ADCY8: variants seen among roughly 807,000 people sequenced by gnomAD.
ADCY8 encodes adenylate cyclase 8, also known as adenylate cyclase type 8.
In ADCY8, 51 loss-of-function variants were observed where a neutral mutation model predicts 119.7. The observed-to-expected ratio is 0.43, with a 90% confidence interval of 0.34 to 0.54. The LOEUF is 0.54. Among genes scored for constraint, ADCY8 ranks in the 20% least tolerant of loss-of-function variants. The pLI is 0.03. For synonymous variants in ADCY8, 665 were observed against 651.0 expected, an observed-to-expected ratio of 1.02 and a Z score of -0.33; for missense variants, 1,383 against 1,598.8, an observed-to-expected ratio of 0.87 and a Z score of 2.30.
intron 5 of ADCY8, among the ~76,000 whole-genome samples, chr8:130,927,416 C>A (rs543787324): frequency 6.6e-6 from 1 of 152,208 alleles, no homozygotes; most frequent in Admixed American, 6.5e-5. Context: ...TATTCAGGTC[C>A]TTTGCCCATT....
At chr8:130,928,282 A>G (rs1055548110) in intron 5 of ADCY8, among the ~76,000 whole-genome samples, 1 of 152,148 alleles carries the variant, frequency 6.6e-6, no homozygotes, top group African/African-American at 2.4e-5. Flanking sequence ...ATTATTGCTC[A>G]GGCTAGTCTC....
intron 2 of ADCY8, among the ~76,000 whole-genome samples, chr8:130,961,056 T>C (rs1384397145): frequency 6.6e-6 from 1 of 152,208 alleles, no homozygotes; most frequent in African/African-American, 2.4e-5. Context: ...CTCTCATTTT[T>C]GGCAAAAAGC....
intron 1 of ADCY8, among the ~76,000 whole-genome samples, chr8:131,035,748 G>T (rs1824133514): frequency 6.6e-6 from 1 of 152,102 alleles, no homozygotes; most frequent in Admixed American, 6.6e-5. Context: ...CAGCTGCCAA[G>T]GTGTGCTAAC....
chr8:130,990,700 T>C, intron 1 of ADCY8, 158 bp from the exon 2 acceptor site: 1 of 860,036 alleles, frequency 1.2e-6, no homozygotes, highest in Non-Finnish European at 1.7e-6. Context: ...ATTCAGATCT[T>C]GAGGCAAATG....
chr8:130,810,736 A>G (rs1463098334), intron 14 of ADCY8, among the ~76,000 whole-genome samples: 1 of 152,252 alleles, frequency 6.6e-6, no homozygotes, highest in Non-Finnish European at 1.5e-5. Context: ...TTAAATATTT[A>G]TAAAATCTCA....
intron 5 of ADCY8, among the ~76,000 whole-genome samples, chr8:130,920,955 C>T (rs1586572277): frequency 6.6e-6 from 1 of 152,332 alleles, no homozygotes; most frequent in Non-Finnish European, 1.5e-5. Context: ...AGATTTTAGA[C>T]TTAACTAGCC....
intron 11 of ADCY8, among the ~76,000 whole-genome samples, chr8:130,846,851 T>TCC (rs1554606218): frequency 4.9e-5 from 1 of 20,478 alleles, no homozygotes; most frequent in African/African-American, 2.8e-4. Flanking sequence ...CTTCCTTCCT[T>TCC]CCTCCCCTCC....
chr8:130,799,413 G>T (rs567784934), intron 15 of ADCY8, among the ~76,000 whole-genome samples: 13 of 152,324 alleles, frequency 8.5e-5, no homozygotes, highest in Middle Eastern at 3.4e-3. Flanking sequence ...ACAATGGAAA[G>T]AAGGACTTCA....
intron 5 of ADCY8, among the ~76,000 whole-genome samples, chr8:130,917,612 G>T (rs1002113172): frequency 6.6e-6 from 1 of 152,166 alleles, no homozygotes; most frequent in Non-Finnish European, 1.5e-5. Context: ...AAGAACAATA[G>T]AGACCAAGTC....
At chr8:130,794,200 CT>C (rs1434285408) in intron 15 of ADCY8, among the ~76,000 whole-genome samples, 1 of 152,146 alleles carries the variant, frequency 6.6e-6, no homozygotes, top group African/African-American at 2.4e-5. Flanking sequence ...TCTCACTCTT[CT>C]TGCTTCCGGA....
intron 7 of ADCY8, among the ~76,000 whole-genome samples, chr8:130,901,832 T>G (rs1819613931): frequency 6.6e-6 from 1 of 152,062 alleles, no homozygotes; most frequent in Non-Finnish European, 1.5e-5. Context: ...CAGGCAAAAC[T>G]TGGGCATTAA....
intron 12 of ADCY8, among the ~76,000 whole-genome samples, chr8:130,829,573 A>C (rs1316577850): frequency 1.3e-5 from 2 of 152,054 alleles, no homozygotes; most frequent in Non-Finnish European, 2.9e-5. Context: ...CAGAAGGTCT[A>C]AACATGTTGT....
chr8:130,888,225 A>T (rs1441335396), intron 7 of ADCY8, among the ~76,000 whole-genome samples: 1 of 151,478 alleles, frequency 6.6e-6, no homozygotes, highest in Non-Finnish European at 1.5e-5. Context: ...ATATAATAGA[A>T]TACATATATT....
chr8:130,863,274 T>C (rs1818004321), intron 9 of ADCY8, among the ~76,000 whole-genome samples: 2 of 152,148 alleles, frequency 1.3e-5, no homozygotes, highest in Non-Finnish European at 2.9e-5. Context: ...TGGTGTGAAA[T>C]TGATATAGCT....
rs112809452 is a variant in ADCY8 at position 131,036,349 on chromosome 8, C to T, written c.960+3025G>A. Among the ~76,000 whole-genome samples the T allele has an allele frequency of 4.0e-3, 611 of 152,114 alleles. 3 individuals carry two copies. Among genetic ancestry groups the T allele is most frequent in the African/African-American group, 0.014 (583 of 41,508 alleles). Reference sequence around the variant, plus strand: ...TAGAAGATGTTTACGTGTAAGACTGCGTTACACACATATGATGTGTATGTG... The same window carrying T: ...TAGAAGATGTTTACGTGTAAGACTGTGTTACACACATATGATGTGTATGTG... On this transcript the variant is annotated intron_variant, in intron 1 of 17. Coordinates refer to ENST00000286355, the MANE Select transcript of ADCY8 (RefSeq NM_001115.3).
At chr8:131,022,011 G>A (rs553932482) in intron 1 of ADCY8, among the ~76,000 whole-genome samples, 178 of 152,272 alleles carry the variant, frequency 1.2e-3, no homozygotes, top group Middle Eastern at 3.4e-3. Context: ...GGAAAGAAAG[G>A]AATTTATTTT....
chr8:130,934,270 CG>C (rs1386679297), intron 5 of ADCY8, among the ~76,000 whole-genome samples: 1 of 152,126 alleles, frequency 6.6e-6, no homozygotes, highest in Admixed American at 6.5e-5. Context: ...AGTAGTTCCA[CG>C]GGCTGTACAG....
intron 8 of ADCY8, among the ~76,000 whole-genome samples, chr8:130,883,001 C>T (rs1211037091): frequency 6.6e-6 from 1 of 152,076 alleles, no homozygotes; most frequent in African/African-American, 2.4e-5. Flanking sequence ...GGGCAAGTCC[C>T]ATGTTTGTTC....
chr8:130,816,062 T>A (rs988294692), intron 13 of ADCY8, among the ~76,000 whole-genome samples: 1 of 152,238 alleles, frequency 6.6e-6, no homozygotes, highest in African/African-American at 2.4e-5. Flanking sequence ...TGAGCTGCCC[T>A]GAATTCAAGG....
Sources: allele counts gnomAD v4.1 joint callset (sites outside exome capture counted in the v4.1 genomes callset), GRCh38; gene constraint gnomAD v4.1.1; transcripts MANE v1.5; gene names NCBI Gene and HGNC (gene_info 2026-07-23, HGNC 2026-07-21).